Variants in PIGK observed in about 807,000 individuals in gnomAD.
PIGK encodes the protein GPI-anchor transamidase.
A neutral mutation model predicts 50.6 loss-of-function variants in PIGK; 42 were observed. The ratio of observed to expected loss-of-function variants is 0.83; its 90% CI spans 0.65 to 1.07. The LOEUF (loss-of-function observed/expected upper bound fraction) is 1.07, where lower values mean the gene tolerates loss of function less well. PIGK is among the 50% of genes least tolerant of loss of function. The pLI, the probability that PIGK is intolerant of heterozygous loss-of-function variation, is 0.00. For missense variants in PIGK, 448 were observed against 488.7 expected, an observed-to-expected ratio of 0.92 and a Z score of 0.78; for synonymous variants, 151 against 156.0, an observed-to-expected ratio of 0.97 and a Z score of 0.24.
intron 4 of PIGK, among the ~76,000 whole-genome samples, chr1:77,168,274 T>C (rs1375349094): frequency 6.6e-6 from 1 of 152,178 alleles, no homozygotes; most frequent in Non-Finnish European, 1.5e-5. Context: ...ATTTAAAAAG[T>C]AGAAAATCTA....
At chr1:77,181,525 A>G (rs1056658920) in intron 3 of PIGK, among the ~76,000 whole-genome samples, 2 of 152,196 alleles carry the variant, frequency 1.3e-5, no homozygotes, top group African/African-American at 4.8e-5. Context: ...TGTTTTCCAC[A>G]GCCATGCCTA....
intron 3 of PIGK, among the ~76,000 whole-genome samples, chr1:77,180,739 G>C (rs1470760600): frequency 2.0e-5 from 3 of 152,038 alleles, no homozygotes; most frequent in Non-Finnish European, 4.4e-5. Flanking sequence ...CCAGGTCATA[G>C]GTAGATAAGA....
At chr1:77,177,746 T>C (rs935810524) in intron 3 of PIGK, among the ~76,000 whole-genome samples, 1 of 152,092 alleles carries the variant, frequency 6.6e-6, no homozygotes, top group African/African-American at 2.4e-5. Flanking sequence ...CACCCTTCTG[T>C]CTAGAACCCA....
chr1:77,092,357 T>C lies in PIGK; in HGVS notation c.*17A>G, dbSNP rs533729067. The C allele has an allele frequency of 4.5e-6, 5 of 1,119,954 alleles. No individual in the cohort carries two copies. The East Asian group carries it at 7.2e-5, about 16-fold the overall frequency. The allele number at this position is 1,119,954 out of a possible 1,614,324, so 69.4% of individuals were successfully genotyped here. On this transcript the variant is annotated 3_prime_UTR_variant, in exon 11 of 11. Coordinates refer to ENST00000370812, the MANE Select transcript of PIGK (RefSeq NM_005482.3). ...CAAGTTTGCAGTCCTCCATGCATTCTTCATTCATCATCAAGTCTAAAAAAT... is the reference window on the plus strand; with the variant it reads ...CAAGTTTGCAGTCCTCCATGCATTCCTCATTCATCATCAAGTCTAAAAAAT...
At chr1:77,203,758 T>C (rs1237076894) in intron 3 of PIGK, among the ~76,000 whole-genome samples, 2 of 152,166 alleles carry the variant, frequency 1.3e-5, no homozygotes, top group East Asian at 3.8e-4. Flanking sequence ...TTAATACTTT[T>C]ATAATTTCTT....
intron 1 of PIGK, among the ~76,000 whole-genome samples, chr1:77,211,763 T>C (rs183663619): frequency 6.8e-4 from 103 of 151,766 alleles, no homozygotes; most frequent in African/African-American, 2.4e-3. Context: ...ATCAGACAAA[T>C]GTGCTACAAC....
chr1:77,146,097 A>AT (rs2100545809), intron 9 of PIGK, among the ~76,000 whole-genome samples: 1 of 152,220 alleles, frequency 6.6e-6, no homozygotes, highest in Admixed American at 6.5e-5. Context: ...ACCATCTGTA[A>AT]TTTTTTCAAC....
chr1:77,122,179 C>A (rs1654112304), intron 10 of PIGK, 96 bp downstream of exon 10: 5 of 766,270 alleles, frequency 6.5e-6, no homozygotes, highest in Non-Finnish European at 1.1e-5. Context: ...TGCCTTTCAG[C>A]TATAGCACAT....
Position 77,219,321 on chromosome 1 carries a change from T to C in PIGK, c.82A>G (p.Ser28Gly), listed in dbSNP as rs1274575713. Reference protein sequence around the residue: ...LLLSFGSVAASHIEDQAEQFF... With the variant: ...LLLSFGSVAAGHIEDQAEQFF... ...AGCCTGACTCCTACCTCGATATGAC[T>C]AGCGGCCACGCTGCCGAAGGACAAG... The change falls in exon 1 of 11, where the codon AGT becomes GGT. Residue 28 changes from serine (S) to glycine (G), a missense_variant. Ser to Gly is a moderately conservative substitution (Grantham distance 56, BLOSUM62 0). Transcript: ENST00000370812. 5 of 1,613,322 alleles carry C rather than the reference T, an allele frequency of 3.1e-6. No individual in the cohort carries two copies. The highest frequency in any genetic ancestry group is 1.3e-5 in the African/African-American group (1 of 74,914).
intron 10 of PIGK, among the ~76,000 whole-genome samples, chr1:77,093,673 C>A (rs1415596746): frequency 1.3e-5 from 2 of 152,100 alleles, no homozygotes; most frequent in Middle Eastern, 3.2e-3. Context: ...CATCTTCATT[C>A]CTATGCTTAC....
chr1:77,171,070 A>G (rs1276802700), intron 3 of PIGK, among the ~76,000 whole-genome samples: 5 of 152,190 alleles, frequency 3.3e-5, no homozygotes, highest in African/African-American at 1.2e-4. Flanking sequence ...TCATTAATTT[A>G]CATTAAATAA....
Position 77,111,822 on chromosome 1 carries a change from A to G in PIGK, c.1071+10453T>C, listed in dbSNP as rs1432435408. ...ACATTAATTATTTCACAAGACTAAG[A>G]TATCTATTGGCATATTTTAAACTAG... is the stretch of plus-strand genomic sequence containing the variant. On this transcript the variant is annotated intron_variant, in intron 10 of 10. Coordinates refer to ENST00000370812, the MANE Select transcript of PIGK (RefSeq NM_005482.3). Among the ~76,000 whole-genome samples the G allele has an allele frequency of 3.3e-5, 5 of 152,108 alleles. No individual in the cohort carries two copies. In the East Asian group the frequency reaches 9.6e-4, roughly 29 times the overall value.
At chr1:77,133,253 A>G (rs887101723) in intron 9 of PIGK, among the ~76,000 whole-genome samples, 2 of 151,960 alleles carry the variant, frequency 1.3e-5, no homozygotes, top group Admixed American at 6.6e-5. Context: ...CACTAATTCT[A>G]TCATCTTCTG....
intron 3 of PIGK, among the ~76,000 whole-genome samples, chr1:77,195,814 A>G (rs1395504244): frequency 2.0e-5 from 3 of 151,958 alleles, no homozygotes; most frequent in South Asian, 4.1e-4. Flanking sequence ...ATATATTTAA[A>G]GTATAAATAT....
chr1:77,129,010 G>A, intron 9 of PIGK: 1 of 714,510 alleles, frequency 1.4e-6, no homozygotes, highest in Admixed American at 2.0e-5. Context: ...TATAACAGCA[G>A]AGCTGCATAT....
chr1:77,215,837 C>T (rs894076762), intron 1 of PIGK, among the ~76,000 whole-genome samples: 2 of 152,042 alleles, frequency 1.3e-5, no homozygotes, highest in Non-Finnish European at 2.9e-5. Flanking sequence ...AAGTCAGGCA[C>T]AGAAATTTAA....
intron 8 of PIGK, among the ~76,000 whole-genome samples, chr1:77,157,338 G>T (rs934164433): frequency 6.6e-6 from 1 of 152,142 alleles, no homozygotes; most frequent in Non-Finnish European, 1.5e-5. Context: ...AAAGGTGGTA[G>T]GGTAAGATGA....
chr1:77,204,600 C>T (rs183978324), intron 3 of PIGK, among the ~76,000 whole-genome samples: 135 of 152,094 alleles, frequency 8.9e-4, no homozygotes, highest in African/African-American at 3.0e-3. Flanking sequence ...TAGAACCTGC[C>T]GACATGTGAT....
At chr1:77,109,565 C>A (rs1312483707) in intron 10 of PIGK, among the ~76,000 whole-genome samples, 5 of 152,178 alleles carry the variant, frequency 3.3e-5, no homozygotes, top group African/African-American at 1.2e-4. Flanking sequence ...AACCACACTT[C>A]ATGCTAAAAA....
Sources: gnomAD v4.1 joint callset for allele counts (sites outside exome capture counted in the v4.1 genomes callset) on GRCh38, gnomAD v4.1.1 for gene constraint, MANE v1.5 for transcripts, NCBI Gene and HGNC (gene_info 2026-07-23, HGNC 2026-07-21) for gene names.